Variants in GUCY1A2 observed in about 807,000 individuals in gnomAD.
GUCY1A2 encodes guanylate cyclase 1 soluble subunit alpha 2.
A neutral mutation model predicts 63.5 loss-of-function variants in GUCY1A2; 27 were observed. That is an observed-to-expected ratio of 0.43 (90% CI 0.31 to 0.59). The LOEUF is 0.59. Ranked by LOEUF, GUCY1A2 falls within the 20% of genes least tolerant of loss-of-function variation. The pLI, the probability that GUCY1A2 is intolerant of heterozygous loss-of-function variation, is 0.11. For synonymous variants in GUCY1A2, 364 were observed against 343.5 expected (o/e 1.06, Z -0.66); for missense variants, 768 against 913.3 (o/e 0.84, Z 2.05).
At position 107,017,769 on chromosome 11, in the gene GUCY1A2, C is replaced by A; in HGVS notation, c.287G>T (p.Arg96Leu). 1.4e-6 allele frequency: 2 copies of A among 1,419,530 alleles called. No individual in the cohort carries two copies. The highest frequency in any genetic ancestry group is 1.8e-6 in the Non-Finnish European group (2 of 1,086,068). 87.9% of individuals were successfully genotyped at this position (1,419,530 alleles called of 1,614,324 possible). A position where few individuals can be genotyped will look rare whatever the true frequency, so the allele number is the denominator to read the frequency against. Residue 96 changes from arginine to leucine, a missense_variant, in exon 1 of 8, where the codon CGC becomes CTC. Coordinates refer to ENST00000526355, the MANE Select transcript of GUCY1A2 (RefSeq NM_000855.3). ...NLDSLGESIS[R>L]LTAPSPQTIQ... The stretch of plus-strand genomic sequence containing the variant: ...CCCGCTCACCGAGGGCGCCGTCAGG[C>A]GGCTGATGCTCTCGCCCAGCGAGTC...
chr11:106,847,247 T>A (rs1273350481), intron 4 of GUCY1A2, among the ~76,000 whole-genome samples: 29 of 136,270 alleles, frequency 2.1e-4, no homozygotes, highest in Admixed American at 5.0e-4. Context: ...AAAAAATATA[T>A]ATATATATAT....
chr11:107,002,664 C>G (rs1565356666), intron 1 of GUCY1A2, among the ~76,000 whole-genome samples: 1 of 152,096 alleles, frequency 6.6e-6, no homozygotes, highest in Non-Finnish European at 1.5e-5. Flanking sequence ...CTCTCCATGA[C>G]TTGAGTAAAA....
rs538026211 is a variant in GUCY1A2, at chr11:106,913,507, G to A, written c.1206+25953C>T. The stretch of plus-strand genomic sequence containing the variant: ...TCACCATGAGGAAAGCACCAAGCTG[G>A]TCAGTCATGAAGGATCCAACGCCAG... On this transcript the variant is annotated intron_variant, in intron 4 of 7. Coordinates refer to ENST00000526355, the MANE Select transcript of GUCY1A2 (RefSeq NM_000855.3). Among the ~76,000 whole-genome samples the A allele has an allele frequency of 1.6e-4, 25 of 152,166 alleles. No individual in the cohort carries two copies. In the East Asian group the frequency reaches 4.5e-3, roughly 27 times the overall value.
intron 4 of GUCY1A2, among the ~76,000 whole-genome samples, chr11:106,830,782 C>G (rs999565439): frequency 6.6e-6 from 1 of 152,120 alleles, no homozygotes; most frequent in African/African-American, 2.4e-5. Flanking sequence ...TTCCGACCCT[C>G]TAGAGAGCCC....
chr11:106,987,526 C>T (rs950372104), intron 1 of GUCY1A2, among the ~76,000 whole-genome samples: 9 of 152,074 alleles, frequency 5.9e-5, no homozygotes, highest in Non-Finnish European at 1.0e-4. Flanking sequence ...GTGGTACATG[C>T]CTGTAGTCCC....
chr11:107,017,095 C>G (rs560066187), intron 1 of GUCY1A2, among the ~76,000 whole-genome samples: 11 of 151,864 alleles, frequency 7.2e-5, no homozygotes, highest in Admixed American at 7.2e-4. Flanking sequence ...AGAATAAATG[C>G]CTAGTGGATA....
At chr11:106,692,487 T>C (rs1465362390) in intron 7 of GUCY1A2, among the ~76,000 whole-genome samples, 3 of 152,166 alleles carry the variant, frequency 2.0e-5, no homozygotes, top group Admixed American at 2.0e-4. Flanking sequence ...GAAATGAAGC[T>C]GGTTTCTGAC....
intron 6 of GUCY1A2, among the ~76,000 whole-genome samples, chr11:106,767,644 CA>C (rs1864186386): frequency 6.6e-6 from 1 of 152,098 alleles, no homozygotes; most frequent in Non-Finnish European, 1.5e-5. Context: ...ATACACATCA[CA>C]GACACAATAT....
chr11:106,781,313 A>G (rs933918896), intron 5 of GUCY1A2, among the ~76,000 whole-genome samples: 35 of 152,120 alleles, frequency 2.3e-4, no homozygotes, highest in Admixed American at 6.5e-5. Context: ...AAGCATGGAG[A>G]TGGGGAAAAG....
chr11:106,842,028 G>A (rs564025078), intron 4 of GUCY1A2, among the ~76,000 whole-genome samples: 29 of 151,946 alleles, frequency 1.9e-4, no homozygotes, highest in African/African-American at 6.5e-4. Flanking sequence ...TTTCCAGTTG[G>A]GTTTGGCCAA....
intron 4 of GUCY1A2, among the ~76,000 whole-genome samples, chr11:106,908,837 A>G (rs965002502): frequency 1.3e-5 from 2 of 152,094 alleles, no homozygotes; most frequent in East Asian, 3.9e-4. Context: ...ATAAAAATGT[A>G]AAAAATAGGC....
At chr11:106,795,256 T>C (rs995695726) in intron 5 of GUCY1A2, among the ~76,000 whole-genome samples, 8 of 152,158 alleles carry the variant, frequency 5.3e-5, no homozygotes, top group African/African-American at 1.9e-4. Context: ...CATAGGCAAC[T>C]ACAACAGTCC....
chr11:106,931,051 C>A (rs1214712273), intron 4 of GUCY1A2, among the ~76,000 whole-genome samples: 4 of 152,134 alleles, frequency 2.6e-5, no homozygotes, highest in Admixed American at 6.5e-5. Context: ...ACAGAAGTTT[C>A]TCCATAAATA....
intron 6 of GUCY1A2, among the ~76,000 whole-genome samples, chr11:106,750,331 C>T (rs1357774670): frequency 6.6e-6 from 1 of 152,090 alleles, no homozygotes; most frequent in Non-Finnish European, 1.5e-5. Flanking sequence ...CTAACCCACA[C>T]TGAGGGTGGG....
chr11:106,972,650 C>G (rs1861210968), intron 3 of GUCY1A2, among the ~76,000 whole-genome samples: 1 of 152,026 alleles, frequency 6.6e-6, no homozygotes, highest in Non-Finnish European at 1.5e-5. Flanking sequence ...TAGTCTGTCA[C>G]AAGATTCAGA....
At chr11:106,973,718 A>T (rs1861225935) in intron 3 of GUCY1A2, among the ~76,000 whole-genome samples, 1 of 152,110 alleles carries the variant, frequency 6.6e-6, no homozygotes, top group Non-Finnish European at 1.5e-5. Flanking sequence ...TGGCTTGTTA[A>T]CTCTGACCAA....
chr11:106,752,726 A>C (rs11826852), intron 6 of GUCY1A2, among the ~76,000 whole-genome samples: 11,914 of 152,202 alleles, frequency 0.078, 805 homozygotes, highest in African/African-American at 0.18. Context: ...TCCTTGGTGC[A>C]TATGTGCCAC....
At chr11:106,875,398 T>A (rs772943096) in intron 4 of GUCY1A2, among the ~76,000 whole-genome samples, 17 of 152,074 alleles carry the variant, frequency 1.1e-4, no homozygotes, top group Non-Finnish European at 2.1e-4. Context: ...ACAACTAAAA[T>A]CAGCTTAAAT....
intron 3 of GUCY1A2, 90 bp from the exon 4 acceptor site, chr11:106,940,268 CT>C: frequency 3.1e-6 from 2 of 655,004 alleles, no homozygotes; most frequent in Non-Finnish European, 5.3e-6. Context: ...AGAGTAACTA[CT>C]GAATAAAGTA....
Sources: allele counts gnomAD v4.1 joint callset (sites outside exome capture counted in the v4.1 genomes callset), GRCh38; gene constraint gnomAD v4.1.1; transcripts MANE v1.5; gene names NCBI Gene and HGNC (gene_info 2026-07-23, HGNC 2026-07-21).